The following MYO18B variants were observed in gnomAD, a reference collection of about 807,000 sequenced individuals.
MYO18B encodes myosin XVIIIB.
A neutral mutation model predicts 273.0 loss-of-function variants in MYO18B; 204 were observed. The observed-to-expected ratio is 0.75, with a 90% CI of 0.67 to 0.84. MYO18B has a LOEUF of 0.84. Among genes scored for constraint, MYO18B ranks in the 40% least tolerant of loss-of-function variants. The probability of loss-of-function intolerance (pLI) is 0.00; values close to 1 mark genes in which losing one functional copy is unlikely to be tolerated. For synonymous variants in MYO18B, 1,330 were observed against 1,305.7 expected (o/e 1.02, Z -0.40); for missense variants, 3,212 against 3,287.6 (o/e 0.98, Z 0.56).
At chr22:25,833,778 G>C (rs913451366) in intron 16 of MYO18B, among the ~76,000 whole-genome samples, 4 of 152,224 alleles carry the variant, frequency 2.6e-5, no homozygotes, top group Admixed American at 2.6e-4. Context: ...CACCTGGCGT[G>C]ATGCTTGGCA....
At chr22:25,840,552 C>T (rs1009732006) in intron 17 of MYO18B, among the ~76,000 whole-genome samples, 2 of 152,268 alleles carry the variant, frequency 1.3e-5, no homozygotes, top group African/African-American at 4.8e-5. Context: ...AGGGGCGAGG[C>T]TGGTCACCTC....
chr22:25,873,475 G>C (rs2091104422), intron 22 of MYO18B, among the ~76,000 whole-genome samples: 1 of 152,018 alleles, frequency 6.6e-6, no homozygotes, highest in African/African-American at 2.4e-5. Flanking sequence ...TTGAGATGGA[G>C]TTTTGTCTGG....
intron 18 of MYO18B, among the ~76,000 whole-genome samples, chr22:25,844,163 G>C (rs981531205): frequency 6.6e-6 from 1 of 152,190 alleles, no homozygotes; most frequent in Non-Finnish European, 1.5e-5. Flanking sequence ...TTGGCACTTT[G>C]CCTTTCATTA....
chr22:25,834,664 C>T (rs746315927), intron 16 of MYO18B, among the ~76,000 whole-genome samples: 12 of 152,150 alleles, frequency 7.9e-5, no homozygotes, highest in Non-Finnish European at 1.8e-4. Context: ...CTCAGAGAGG[C>T]CCTTTAAACT....
At chr22:25,947,869 G>T in intron 36 of MYO18B, 41 bp downstream of exon 36, 1 of 1,497,522 alleles carries the variant, frequency 6.7e-7, no homozygotes. Context: ...CAGGGACTTG[G>T]GGTGGGGTGA....
intron 21 of MYO18B, among the ~76,000 whole-genome samples, chr22:25,855,359 C>T (rs1318204775): frequency 1.3e-5 from 2 of 150,238 alleles, no homozygotes; most frequent in East Asian, 3.9e-4. Context: ...TCTTGGCTCA[C>T]CGCAAGCTCT....
rs530821464 is a variant in MYO18B, at chr22:25,966,839, G to A, written c.6156+11475G>A. 9.2e-5 allele frequency among the ~76,000 whole-genome samples: 14 copies of A among 152,352 alleles called. No homozygotes were observed. In the South Asian group the frequency reaches 2.5e-3, roughly 27 times the overall value. On this transcript the variant is annotated intron_variant, in intron 39 of 43. Transcript: ENST00000335473. ...TTCTGAAAGTGAATTCTCCCAAGCT[G>A]TCTTTATCTCACATGGTGAATGTGC...
chr22:25,798,719 C>T (rs561002018), intron 12 of MYO18B, among the ~76,000 whole-genome samples: 1 of 152,112 alleles, frequency 6.6e-6, no homozygotes, highest in South Asian at 2.1e-4. Flanking sequence ...ACCCCCATGC[C>T]TGGTTAATAT....
At chr22:25,902,820 G>T in intron 30 of MYO18B, 84 bp downstream of exon 30, 1 of 1,456,242 alleles carries the variant, frequency 6.9e-7, no homozygotes, top group Admixed American at 2.2e-5. Flanking sequence ...TGCAAATGGT[G>T]ACAGAGAGAA....
chr22:25,822,895 T>A (rs1431731330), intron 12 of MYO18B, among the ~76,000 whole-genome samples: 9 of 152,240 alleles, frequency 5.9e-5, no homozygotes, highest in Non-Finnish European at 1.0e-4. Flanking sequence ...TGTGTGGAAT[T>A]TACAGATAAC....
intron 1 of MYO18B, among the ~76,000 whole-genome samples, chr22:25,754,910 A>T (rs999440867): frequency 2.0e-5 from 3 of 152,182 alleles, no homozygotes; most frequent in Non-Finnish European, 4.4e-5. Context: ...GACAGCCAGG[A>T]TTCCCCCTGG....
Position 25,769,111 on chromosome 22 carries a change from CAGGGTA to C in MYO18B, c.1198_1203del (p.Gly400_Lys401del). The C allele has an allele frequency of 6.2e-7, 1 of 1,613,550 alleles. No individual in the cohort carries two copies. On this transcript the variant is annotated inframe_deletion, in exon 4 of 44. Coordinates refer to ENST00000335473, the MANE Select transcript of MYO18B (RefSeq NM_032608.7). ...TAAGAAGGAAAAGATGGGGCAACCC[CAGGGTA>C]AGTCCGGGAACGCAGGTGAAGCTCG...
the MYO18B span, among the ~76,000 whole-genome samples, chr22:26,063,220 G>T: frequency 1.3e-3 from 192 of 152,318 alleles, no homozygotes; most frequent in African/African-American, 4.3e-3. Context: ...AGGCCTTCCA[G>T]CTGAGAAGCA....
In MYO18B at chr22:25,847,579, C is replaced by A. The variant is rs776719965; in HGVS notation, c.3702C>A (p.Ala1234=). 7 of 1,566,712 alleles carry A rather than the reference C, an allele frequency of 4.5e-6. No individual in the cohort carries two copies. Among genetic ancestry groups the A allele is most frequent in the South Asian group, 2.4e-5 (2 of 84,812 alleles). Residue 1234 remains alanine (A), a synonymous_variant, in exon 20 of 44, where the codon GCC becomes GCA. Coordinates refer to ENST00000335473, the MANE Select transcript of MYO18B (RefSeq NM_032608.7). ...AGCCTGGGGCAGGTGGACCTCTGGCCCTGGATATCCCAGCACTGAGGGTCC... is the reference window on the plus strand; with the variant it reads ...AGCCTGGGGCAGGTGGACCTCTGGCACTGGATATCCCAGCACTGAGGGTCC... ...RDKPGAGGPL[A]LDIPALRVQL... is the part of the protein sequence containing the mutation.
chr22:25,947,569 T>G, intron 35 of MYO18B, 143 bp from the exon 36 acceptor site: 11 of 517,776 alleles, frequency 2.1e-5, no homozygotes, highest in East Asian at 3.6e-5. Flanking sequence ...ACCACATGCA[T>G]TGGTAACCAC....
rs369517802 is a variant in MYO18B, at chr22:25,812,482, TTGGTATC to T, written c.2522-11019_2522-11013del. On this transcript the variant is annotated intron_variant, in intron 12 of 43. Coordinates refer to ENST00000335473, the MANE Select transcript of MYO18B (RefSeq NM_032608.7). ...TTTTTCCTGAGGGTGCTGATTAGAG[TTGGTATC>T]TGGGACCCAGCTGGCTGGGACAGCT... Among the ~76,000 whole-genome samples the T allele has an allele frequency of 6.5e-3, 986 of 152,178 alleles. 13 individuals are homozygous for T. The highest frequency in any genetic ancestry group is 0.023 in the African/African-American group (950 of 41,518).
downstream of MYO18B, among the ~76,000 whole-genome samples, chr22:26,032,890 C>T (rs2147047110): frequency 6.6e-6 from 1 of 152,238 alleles, no homozygotes; most frequent in East Asian, 1.9e-4. Flanking sequence ...TAGGGGTTCA[C>T]AATTCAGCCT....
Position 25,768,147 on chromosome 22 carries a change from C to T in MYO18B, c.231C>T (p.Ser77=). The change falls in exon 4 of 44, where the codon AGC becomes AGT. Residue 77 remains serine, a synonymous_variant. Coordinates refer to ENST00000335473, the MANE Select transcript of MYO18B (RefSeq NM_032608.7). ...AAATTTCCATCAGCCAACCCAACAG[C>T]AAGTCCAGCAGTGGCACCAGATCTG... The part of the protein sequence containing the change: ...IPEISISQPN[S]KSSSGTRSGS... 1.9e-6 allele frequency: 3 copies of T among 1,605,922 alleles called. No homozygotes were observed. Among genetic ancestry groups the T allele is most frequent in the Non-Finnish European group, 2.6e-6 (3 of 1,175,330 alleles).
At chr22:25,994,360 G>C (rs1281218076) in intron 40 of MYO18B, among the ~76,000 whole-genome samples, 2 of 152,224 alleles carry the variant, frequency 1.3e-5, no homozygotes, top group Non-Finnish European at 2.9e-5. Flanking sequence ...CAGCTACTCA[G>C]GAGGCTGAGG....
Sources: gnomAD v4.1 joint callset for allele counts (sites outside exome capture counted in the v4.1 genomes callset) on GRCh38, gnomAD v4.1.1 for gene constraint, MANE v1.5 for transcripts, NCBI Gene and HGNC (gene_info 2026-07-23, HGNC 2026-07-21) for gene names.